Variants in ASH1L observed in about 807,000 individuals in gnomAD.
The protein encoded by ASH1L is histone-lysine N-methyltransferase ASH1L.
A neutral mutation model predicts 269.0 loss-of-function variants in ASH1L; 23 were observed. The ratio of observed to expected loss-of-function variants is 0.09; its 90% CI spans 0.06 to 0.12. The LOEUF is 0.12. ASH1L is among the 10% of genes least tolerant of loss of function. The pLI is 1.00. For synonymous variants in ASH1L, 1,187 were observed against 1,253.5 expected (o/e 0.95, Z 1.12); for missense variants, 2,912 against 3,567.8 (o/e 0.82, Z 4.68).
chr1:155,395,653 G>A (rs557928327), intron 6 of ASH1L, 100 bp from the exon 7 acceptor site: 1 of 670,686 alleles, frequency 1.5e-6, no homozygotes, highest in South Asian at 2.6e-5. Flanking sequence ...AGGGTACCAA[G>A]TACATTGATA....
chr1:155,521,503 G>C lies in ASH1L; in HGVS notation c.17C>G (p.Thr6Ser), dbSNP rs1193888970. The C allele has an allele frequency of 1.8e-5, 29 of 1,612,312 alleles. No individual in the cohort carries two copies. The highest frequency in any genetic ancestry group is 2.3e-5 in the Non-Finnish European group (27 of 1,179,304). ...ATCAGAACCCAATCCTAACATAGCA[G>C]TATTTCTAGGGTCCATCACAAGCGT... MDPRNTAMLGLGSDSE... is the reference protein window; with the variant it reads MDPRNSAMLGLGSDSE... The change falls in exon 2 of 28, where the codon ACT becomes AGT. Residue 6 changes from threonine (T) to serine (S), a missense_variant. Thr to Ser is a moderately conservative substitution (Grantham distance 58). Around this residue, in one of 13 missense-constraint regions of ASH1L, gnomAD observed 115 missense variants for 101.5 expected, o/e 1.13. Coordinates refer to ENST00000392403, the MANE Select transcript of ASH1L (RefSeq NM_018489.3).
chr1:155,361,520 A>C (rs1439004417), intron 12 of ASH1L, among the ~76,000 whole-genome samples: 1 of 19,198 alleles, frequency 5.2e-5, no homozygotes, highest in African/African-American at 7.5e-5. Context: ...CCATCTCACA[A>C]AAAAAAAAAA....
At chr1:155,515,852 A>T (rs867379906) in intron 2 of ASH1L, among the ~76,000 whole-genome samples, 3 of 151,724 alleles carry the variant, frequency 2.0e-5, no homozygotes, top group African/African-American at 7.3e-5. Flanking sequence ...AAAAAAAAAA[A>T]AAATGCATGG....
At chr1:155,488,973 T>C (rs527572086) in intron 2 of ASH1L, among the ~76,000 whole-genome samples, 11 of 152,220 alleles carry the variant, frequency 7.2e-5, no homozygotes, top group Non-Finnish European at 1.5e-4. Context: ...TATTTTACCA[T>C]ATACATCAAA....
At chr1:155,426,453 G>A (rs549227053) in intron 5 of ASH1L, among the ~76,000 whole-genome samples, 42 of 151,970 alleles carry the variant, frequency 2.8e-4, no homozygotes, top group South Asian at 1.0e-3. Context: ...CGACCGCCTC[G>A]GCCTCCCAAA....
intron 2 of ASH1L, among the ~76,000 whole-genome samples, chr1:155,503,036 T>G (rs1164220782): frequency 6.6e-6 from 1 of 152,206 alleles, no homozygotes; most frequent in Non-Finnish European, 1.5e-5. Context: ...TTTCAGCATC[T>G]GCTTTTGATC....
chr1:155,491,417 T>C (rs1036028050), intron 2 of ASH1L, among the ~76,000 whole-genome samples: 3 of 152,098 alleles, frequency 2.0e-5, no homozygotes, highest in Admixed American at 6.6e-5. Flanking sequence ...TTTTATGTAT[T>C]CAAATACTTA....
At position 155,562,436 on chromosome 1, in the gene ASH1L, C is replaced by CGGCGGCGGCAGCAGCAGAGT. The variant is rs1185851475; in HGVS notation, c.-403_-384dup. 6.3e-5 allele frequency: 93 copies of CGGCGGCGGCAGCAGCAGAGT among 1,471,186 alleles called. No individual in the cohort carries two copies. Among genetic ancestry groups the CGGCGGCGGCAGCAGCAGAGT allele is most frequent in the Admixed American group, 7.9e-5 (4 of 50,650 alleles). The allele number at this position is 1,471,186 out of a possible 1,614,324, so 91.1% of individuals were successfully genotyped here. A position where few individuals can be genotyped will look rare whatever the true frequency, so the allele number is the denominator to read the frequency against. On this transcript the variant is annotated 5_prime_UTR_variant, in exon 1 of 28. Coordinates refer to ENST00000392403, the MANE Select transcript of ASH1L (RefSeq NM_018489.3). ...AAAATGGCGGCGGGAGCGGCGGCGG[C>CGGCGGCGGCAGCAGCAGAGT]GGCGGCGGCAGCAGCAGAGTGGCGG... is the stretch of plus-strand genomic sequence containing the variant.
intron 5 of ASH1L, among the ~76,000 whole-genome samples, chr1:155,432,387 A>G (rs908745837): frequency 2.0e-5 from 3 of 152,226 alleles, no homozygotes; most frequent in Non-Finnish European, 1.5e-5. Context: ...GATGGTTAAA[A>G]TCCATGAAGG....
intron 3 of ASH1L, among the ~76,000 whole-genome samples, chr1:155,466,371 CA>C (rs1664700831): frequency 6.6e-6 from 1 of 151,932 alleles, no homozygotes; most frequent in Non-Finnish European, 1.5e-5. Flanking sequence ...CAAAACAAAA[CA>C]AAACAAAACA....
intron 6 of ASH1L, among the ~76,000 whole-genome samples, chr1:155,397,781 T>C (rs955117556): frequency 1.3e-5 from 2 of 152,128 alleles, no homozygotes; most frequent in Non-Finnish European, 2.9e-5. Flanking sequence ...AGGCTGGTCT[T>C]GAACTCCTGA....
intron 1 of ASH1L, among the ~76,000 whole-genome samples, chr1:155,542,666 GTAAT>G (rs1185719552): frequency 7.0e-6 from 1 of 143,118 alleles, no homozygotes; most frequent in African/African-American, 2.5e-5. Flanking sequence ...AATTCATGCT[GTAAT>G]TAATTAATTA....
In ASH1L at chr1:155,438,314, A is replaced by G. The variant is rs779898993; in HGVS notation, c.5828+13T>C. 3 of 1,530,642 alleles carry G rather than the reference A, an allele frequency of 2.0e-6. No individual in the cohort carries two copies. In the East Asian group the frequency reaches 6.8e-5, roughly 35 times the overall value. 94.8% of individuals were successfully genotyped at this position (1,530,642 alleles called of 1,614,324 possible). A position where few individuals can be genotyped will look rare whatever the true frequency, so the allele number is the denominator to read the frequency against. ...TTTCCTCTACTCAGATAATATGTTA[A>G]ATGAGGAATTACCTTTTATTATTCT... On this transcript the variant is annotated intron_variant, in intron 5 of 27. Coordinates refer to ENST00000392403, the MANE Select transcript of ASH1L (RefSeq NM_018489.3).
At chr1:155,508,989 C>T (rs2148813892) in intron 2 of ASH1L, among the ~76,000 whole-genome samples, 1 of 152,144 alleles carries the variant, frequency 6.6e-6, no homozygotes, top group Middle Eastern at 3.4e-3. Flanking sequence ...TAGTCATCAT[C>T]AAATTAGGCT....
At chr1:155,344,586 T>C in intron 21 of ASH1L, 1 of 211,340 alleles carries the variant, frequency 4.7e-6, no homozygotes. Context: ...ATGCTACTGG[T>C]ATTTAATGCC....
chr1:155,559,267 G>A (rs1350903925), intron 1 of ASH1L, among the ~76,000 whole-genome samples: 4 of 152,050 alleles, frequency 2.6e-5, no homozygotes, highest in African/African-American at 7.2e-5. Flanking sequence ...GGCCGGGCGC[G>A]GTGGCTCACC....
intron 7 of ASH1L, among the ~76,000 whole-genome samples, chr1:155,382,283 G>A (rs1003989005): frequency 4.0e-5 from 6 of 151,786 alleles, no homozygotes; most frequent in Admixed American, 2.6e-4. Flanking sequence ...CAGATCATGA[G>A]GTCAGGAGAT....
At chr1:155,364,194 C>G (rs1655212481) in intron 12 of ASH1L, among the ~76,000 whole-genome samples, 1 of 152,114 alleles carries the variant, frequency 6.6e-6, no homozygotes, top group Non-Finnish European at 1.5e-5. Context: ...ACTTGGGAAG[C>G]TGAGGTTGCA....
chr1:155,481,433 T>C lies in ASH1L; in HGVS notation c.1437A>G (p.Glu479=). 1 of 1,614,098 alleles carries C rather than the reference T, an allele frequency of 6.2e-7. No homozygotes were observed. The highest frequency in any genetic ancestry group is 8.5e-7 in the Non-Finnish European group (1 of 1,179,978). Residue 479 remains glutamate (E), a synonymous_variant, in exon 3 of 28, where the codon GAA becomes GAG. Coordinates refer to ENST00000392403, the MANE Select transcript of ASH1L (RefSeq NM_018489.3). The part of the protein sequence containing the change: ...VVRQNKESIL[E]KFSVRKEIIN... ...TGATTTCTTTTCGTACTGAGAACTT[T>C]TCCAATATGCTTTCTTTATTCTGCC...
Sources: gnomAD v4.1 joint callset for allele counts (sites outside exome capture counted in the v4.1 genomes callset) on GRCh38, gnomAD v4.1.1 for gene constraint, gnomAD v4.1.1 regional missense constraint, MANE v1.5 for transcripts, NCBI Gene and HGNC (gene_info 2026-07-23, HGNC 2026-07-21) for gene names.